The following LDLRAD3 variants were observed in gnomAD, a reference collection of about 807,000 sequenced individuals.
LDLRAD3 encodes low density lipoprotein receptor class A domain containing 3.
A neutral mutation model predicts 29.4 loss-of-function variants in LDLRAD3; 20 were observed. That is an observed-to-expected ratio of 0.68 (90% confidence interval 0.48 to 0.99). The LOEUF (loss-of-function observed/expected upper bound fraction) is 0.99. LDLRAD3 is among the 50% of genes least tolerant of loss of function. The probability of loss-of-function intolerance (pLI) is 0.00; values close to 1 mark genes in which losing one functional copy is unlikely to be tolerated. For synonymous variants in LDLRAD3, 157 were observed against 192.7 expected, an observed-to-expected ratio of 0.81 and a Z score of 1.53; for missense variants, 420 against 454.3, an observed-to-expected ratio of 0.92 and a Z score of 0.69.
At chr11:36,013,598 G>C (rs968363273) in intron 1 of LDLRAD3, among the ~76,000 whole-genome samples, 2 of 152,052 alleles carry the variant, frequency 1.3e-5, no homozygotes, top group African/African-American at 4.8e-5. Flanking sequence ...GAGAGTGATG[G>C]CTTCCAGCTT....
intron 4 of LDLRAD3, among the ~76,000 whole-genome samples, chr11:36,205,215 G>C (rs1855189196): frequency 6.6e-6 from 1 of 152,160 alleles, no homozygotes; most frequent in Non-Finnish European, 1.5e-5. Flanking sequence ...CGTGGGGCCG[G>C]GGGATTCCTG....
chr11:36,197,820 G>C (rs978947978), intron 4 of LDLRAD3: 1 of 152,072 alleles, frequency 6.6e-6, no homozygotes, highest in Admixed American at 6.6e-5. Context: ...AGCTAAGCAG[G>C]AGGATGGCTT....
At chr11:36,112,837 T>C (rs1853623742) in intron 4 of LDLRAD3, among the ~76,000 whole-genome samples, 1 of 152,198 alleles carries the variant, frequency 6.6e-6, no homozygotes, top group African/African-American at 2.4e-5. Context: ...TTGCTTTTTT[T>C]CCTCAGATGT....
chr11:36,026,601 T>C (rs952906281), intron 1 of LDLRAD3, among the ~76,000 whole-genome samples: 1 of 152,206 alleles, frequency 6.6e-6, no homozygotes, highest in Non-Finnish European at 1.5e-5. Flanking sequence ...AAAGACCTGC[T>C]GATACAACAG....
At chr11:36,112,990 A>G (rs988137513) in intron 4 of LDLRAD3, among the ~76,000 whole-genome samples, 3 of 152,186 alleles carry the variant, frequency 2.0e-5, no homozygotes, top group Non-Finnish European at 4.4e-5. Context: ...TCAGTCATAC[A>G]TGGAGTCATG....
intron 1 of LDLRAD3, among the ~76,000 whole-genome samples, chr11:36,023,684 T>C (rs1852127268): frequency 6.6e-6 from 1 of 152,074 alleles, no homozygotes; most frequent in East Asian, 1.9e-4. Context: ...CGATTACGAG[T>C]CCACAGAAAC....
chr11:36,171,844 TC>T (rs1269398190), intron 4 of LDLRAD3, among the ~76,000 whole-genome samples: 3 of 152,178 alleles, frequency 2.0e-5, no homozygotes, highest in African/African-American at 7.2e-5. Context: ...GATTGTTTTT[TC>T]TAGTTCTTTG....
At chr11:35,991,867 T>TTGTGTG (rs33941156) in intron 1 of LDLRAD3, among the ~76,000 whole-genome samples, 990 of 82,736 alleles carry the variant, frequency 0.012, 22 homozygotes, top group African/African-American at 0.027. Flanking sequence ...GAATGGTTGT[T>TTGTGTG]TGTGTGTGTG....
At chr11:36,089,460 G>A (rs77003467) in intron 3 of LDLRAD3, among the ~76,000 whole-genome samples, 19,761 of 149,010 alleles carry the variant, frequency 0.13, 1,793 homozygotes, top group East Asian at 0.38. Context: ...ATGGAGTCTC[G>A]CTCTGTCTCC....
chr11:36,083,317 C>T (rs1251032791), intron 3 of LDLRAD3, among the ~76,000 whole-genome samples: 1 of 152,170 alleles, frequency 6.6e-6, no homozygotes, highest in East Asian at 1.9e-4. Context: ...TTGTCCTATT[C>T]ATCCCTTTTT....
At chr11:36,210,751 T>C (rs759129187) in intron 4 of LDLRAD3, among the ~76,000 whole-genome samples, 1 of 152,144 alleles carries the variant, frequency 6.6e-6, no homozygotes, top group African/African-American at 2.4e-5. Flanking sequence ...AGGGAGGTGG[T>C]GGTGGCAAGA....
chr11:36,182,383 G>A (rs1205263101), intron 4 of LDLRAD3, among the ~76,000 whole-genome samples: 1 of 150,626 alleles, frequency 6.6e-6, no homozygotes, highest in African/African-American at 2.4e-5. Context: ...ACCTGCCCCC[G>A]CAAAAAAAAA....
Position 36,036,232 on chromosome 11 carries a change from G to C in LDLRAD3, c.176G>C (p.Ser59Thr). The C allele has an allele frequency of 1.2e-6, 2 of 1,614,044 alleles. No homozygotes were observed. Among genetic ancestry groups the C allele is most frequent in the Non-Finnish European group, 1.7e-6 (2 of 1,179,994 alleles). Residue 59 changes from serine to threonine, a missense_variant, in exon 2 of 6, where the codon AGT becomes ACT. By Grantham distance (58) the Ser-to-Thr change is moderately conservative. This residue lies in a region of LDLRAD3 where 224 missense variants were observed against 222.2 expected (regional missense o/e 1.01). Coordinates refer to ENST00000315571, the MANE Select transcript of LDLRAD3 (RefSeq NM_174902.4). The stretch of plus-strand genomic sequence containing the variant: ...GGGCTGCCTGACTGCTTCGACAAGA[G>C]TGATGAGAAGGAGTGCCGTGAGTGG... ...CDGLPDCFDK[S>T]DEKECPKAKS...
intron 2 of LDLRAD3, among the ~76,000 whole-genome samples, chr11:36,076,222 G>GTCCATCCATCCA (rs56767260): frequency 8.9e-4 from 130 of 145,512 alleles, no homozygotes; most frequent in Middle Eastern, 7.0e-3. Context: ...CTGTCCATCC[G>GTCCATCCATCCA]TCCATCCATC....
chr11:36,182,382 C>A (rs577748371), intron 4 of LDLRAD3, among the ~76,000 whole-genome samples: 1 of 150,506 alleles, frequency 6.6e-6, no homozygotes, highest in Non-Finnish European at 1.5e-5. Flanking sequence ...CACCTGCCCC[C>A]GCAAAAAAAA....
intron 2 of LDLRAD3, among the ~76,000 whole-genome samples, chr11:36,039,339 C>CA (rs1852351476): frequency 6.6e-6 from 1 of 152,178 alleles, no homozygotes; most frequent in Admixed American, 6.5e-5. Flanking sequence ...CGATTTGTGT[C>CA]AAAATCAGAG....
rs745874599 is a variant in LDLRAD3, at chr11:35,944,813, G to A, written c.46+669G>A. The stretch of plus-strand genomic sequence containing the variant: ...TTGCCCCGCGATGGGCGCCCTGACC[G>A]GCGAGGGGCCCTGGGAGAGGACACG... On this transcript the variant is annotated intron_variant, in intron 1 of 5. Transcript: ENST00000315571. This position sits in a 1 kb window ranked among gnomAD's most constrained non-coding sequence, Gnocchi z 4.9. 6.6e-6 allele frequency among the ~76,000 whole-genome samples: 1 copy of A among 152,220 alleles called. No homozygotes were observed. Among genetic ancestry groups the A allele is most frequent in the Non-Finnish European group, 1.5e-5 (1 of 68,030 alleles).
chr11:36,114,159 C>T (rs1336380449), intron 4 of LDLRAD3, among the ~76,000 whole-genome samples: 2 of 152,150 alleles, frequency 1.3e-5, no homozygotes, highest in Non-Finnish European at 2.9e-5. Context: ...GTTTTTTGCA[C>T]TGATCAACAC....
chr11:36,116,209 A>G (rs1312341343), intron 4 of LDLRAD3, among the ~76,000 whole-genome samples: 1 of 152,222 alleles, frequency 6.6e-6, no homozygotes, highest in Non-Finnish European at 1.5e-5. Flanking sequence ...AGCCCAAGCC[A>G]TTCCATCTTT....
Sources: allele counts gnomAD v4.1 joint callset (sites outside exome capture counted in the v4.1 genomes callset), GRCh38; gene constraint gnomAD v4.1.1; regional missense constraint gnomAD v4.1.1; non-coding constraint Gnocchi (gnomAD v3.1); transcripts MANE v1.5; gene names NCBI Gene and HGNC (gene_info 2026-07-23, HGNC 2026-07-21).